Variants in MPI observed in about 807,000 individuals in gnomAD.
MPI encodes mannose phosphate isomerase.
MPI carries 33 observed loss-of-function variants against 40.1 expected under a neutral mutation model. The ratio of observed to expected loss-of-function variants is 0.82; its 90% confidence interval spans 0.62 to 1.10. MPI has a LOEUF of 1.10. Among genes scored for constraint, MPI ranks in the 50% least tolerant of loss-of-function variants. The probability of loss-of-function intolerance (pLI) is 0.00; values close to 1 mark genes in which losing one functional copy is unlikely to be tolerated. For synonymous variants in MPI, 187 were observed against 207.4 expected, an observed-to-expected ratio of 0.90 and a Z score of 0.85; for missense variants, 514 against 524.1, an observed-to-expected ratio of 0.98 and a Z score of 0.19.
At position 74,898,276 on chromosome 15, in the gene MPI, T is replaced by A. The variant is rs1595825612; in HGVS notation, c.*546T>A. The A allele has an allele frequency of 1.0e-5, 2 of 195,690 alleles. No individual in the cohort carries two copies. The highest frequency in any genetic ancestry group is 2.3e-4 in the East Asian group (2 of 8,846). 12.1% of individuals were successfully genotyped at this position (195,690 alleles called of 1,614,324 possible). A position where few individuals can be genotyped will look rare whatever the true frequency, so the allele number is the denominator to read the frequency against. On this transcript the variant is annotated 3_prime_UTR_variant, in exon 8 of 8. Coordinates refer to ENST00000352410, the MANE Select transcript of MPI (RefSeq NM_002435.3). ...GCCTTTGGGGTACCTGTTCCTAAAG[T>A]GGGCCAAAAGAGCCCTCCCTACATG...
Position 74,897,059 on chromosome 15 carries a change from T to A in MPI, c.893T>A (p.Leu298Gln), listed in dbSNP as rs773981017. Reference protein sequence around the residue: ...ACSDNTVRAGLTPKFIDVPTL... With the variant: ...ACSDNTVRAGQTPKFIDVPTL... The stretch of plus-strand genomic sequence containing the variant: ...TCAGACAACACAGTTCGTGCTGGCC[T>A]GACACCCAAGTTCATTGATGTGCCA... Residue 298 changes from leucine (L) to glutamine (Q), a missense_variant, in exon 7 of 8, where the codon CTG becomes CAG. Leu to Gln is a moderately radical substitution (Grantham distance 113, BLOSUM62 -2). Transcript: ENST00000352410. 1.2e-6 allele frequency: 2 copies of A among 1,614,202 alleles called. No homozygotes were observed. The highest frequency in any genetic ancestry group is 2.2e-5 in the South Asian group (2 of 91,088).
Position 74,900,817 on chromosome 15 carries a change from G to A in MPI, c.*3087G>A, listed in dbSNP as rs927235988. On this transcript the variant is annotated 3_prime_UTR_variant, in exon 8 of 8. Transcript: ENST00000352410. Reference sequence around the variant, plus strand: ...CTGGTCTCTGTCCTATCTCTCTGCTGTGATGCTCCTAGCTAGTAGAGTAAG... The same window carrying A: ...CTGGTCTCTGTCCTATCTCTCTGCTATGATGCTCCTAGCTAGTAGAGTAAG... The A allele has an allele frequency of 2.6e-5, 4 of 152,254 alleles. No homozygotes were observed. The highest frequency in any genetic ancestry group is 5.9e-5 in the Non-Finnish European group (4 of 68,062). The allele number at this position is 152,254 out of a possible 1,614,324, so 9.4% of individuals were successfully genotyped here. A position where few individuals can be genotyped will look rare whatever the true frequency, so the allele number is the denominator to read the frequency against.
intron 6 of MPI, 69 bp downstream of exon 6, chr15:74,896,394 G>A (rs2141207065): frequency 6.3e-7 from 1 of 1,581,848 alleles, no homozygotes; most frequent in Non-Finnish European, 8.6e-7. Flanking sequence ...TCTGGACAAA[G>A]GAAGGAGAAG....
At position 74,898,122 on chromosome 15, in the gene MPI, TG is replaced by T; in HGVS notation, c.*393del. ...AAGAACAGGGTTCTAGCGATGGGAC[TG>T]CCCATTTCCTCAGCTGCAGAGGAGG... is the stretch of plus-strand genomic sequence containing the variant. On this transcript the variant is annotated 3_prime_UTR_variant, in exon 8 of 8. Coordinates refer to ENST00000352410, the MANE Select transcript of MPI (RefSeq NM_002435.3). 1 of 357,514 alleles carries T rather than the reference TG, an allele frequency of 2.8e-6. No individual in the cohort carries two copies. Among genetic ancestry groups the T allele is most frequent in the Non-Finnish European group, 5.5e-6 (1 of 182,036 alleles). 22.1% of individuals were successfully genotyped at this position (357,514 alleles called of 1,614,324 possible). A position where few individuals can be genotyped will look rare whatever the true frequency, so the allele number is the denominator to read the frequency against.
chr15:74,896,446 C>G (rs1219514328), intron 6 of MPI, 121 bp downstream of exon 6: 1 of 1,118,554 alleles, frequency 8.9e-7, no homozygotes, highest in Admixed American at 2.0e-5. Context: ...GCTCTGACCT[C>G]TGAGGGTTCC....
Position 74,896,191 on chromosome 15 carries a change from T to C in MPI, c.710T>C (p.Leu237Pro). 3 of 1,614,120 alleles carry C rather than the reference T, an allele frequency of 1.9e-6. No individual in the cohort carries two copies. The highest frequency in any genetic ancestry group is 2.5e-6 in the Non-Finnish European group (3 of 1,180,020). Residue 237 changes from leucine (L) to proline (P), a missense_variant, in exon 6 of 8, where the codon CTT (leucine) becomes CCT (proline). Leu to Pro is a moderately conservative substitution (Grantham distance 98). Transcript: ENST00000352410. ...AACATGGAGGACATCTTTGGGGAGC[T>C]TTTGCTACAGCTGCACCAGCAGTAC... ...GNNMEDIFGE[L>P]LLQLHQQYPG...
chr15:74,897,890 C>G lies in MPI; in HGVS notation c.*160C>G, dbSNP rs2064846831. ...GGAGGGAGCGTGAAGGTAGTGACTCCTGAACACACCCAGGTGGAACCATCT... is the reference window on the plus strand; with the variant it reads ...GGAGGGAGCGTGAAGGTAGTGACTCGTGAACACACCCAGGTGGAACCATCT... On this transcript the variant is annotated 3_prime_UTR_variant, in exon 8 of 8. Coordinates refer to ENST00000352410, the MANE Select transcript of MPI (RefSeq NM_002435.3). 1.4e-6 allele frequency: 1 copy of G among 731,028 alleles called. No individual in the cohort carries two copies. The highest frequency in any genetic ancestry group is 2.4e-6 in the Non-Finnish European group (1 of 414,296). The allele number at this position is 731,028 out of a possible 1,614,324, so 45.3% of individuals were successfully genotyped here.
chr15:74,890,161 G>C, intron 1 of MPI, 72 bp downstream of exon 1: 5 of 1,592,152 alleles, frequency 3.1e-6, no homozygotes, highest in Middle Eastern at 1.7e-4. Flanking sequence ...CGGCATTATC[G>C]GCCAGGTTGA....
Position 74,902,014 on chromosome 15 carries a change from T to C in MPI, c.*4284T>C, listed in dbSNP as rs1423227182. ...GATTCTGGAAGCCAGGATCCTGCTG[T>C]ATCATTAAGCAACCTGCTATGATCC... On this transcript the variant is annotated 3_prime_UTR_variant, in exon 8 of 8. Transcript: ENST00000352410. 2.5e-6 allele frequency: 1 copy of C among 397,946 alleles called. No homozygotes were observed. The highest frequency in any genetic ancestry group is 3.6e-5 in the East Asian group (1 of 28,066). 24.7% of individuals were successfully genotyped at this position (397,946 alleles called of 1,614,324 possible). A position where few individuals can be genotyped will look rare whatever the true frequency, so the allele number is the denominator to read the frequency against.
At chr15:74,896,643 T>A in intron 6 of MPI, 1 of 611,672 alleles carries the variant, frequency 1.6e-6, no homozygotes, top group Non-Finnish European at 2.9e-6. Flanking sequence ...AGCCTTTGTA[T>A]GTCTGTCCTA....
intron 5 of MPI, 116 bp downstream of exon 5, chr15:74,893,436 C>A: frequency 1.7e-6 from 2 of 1,197,662 alleles, no homozygotes; most frequent in Non-Finnish European, 2.4e-6. Flanking sequence ...CTAAAAGGGG[C>A]CCCACTTAGA....
intron 7 of MPI, 103 bp downstream of exon 7, chr15:74,897,322 C>T: frequency 6.9e-7 from 1 of 1,459,038 alleles, no homozygotes; most frequent in Non-Finnish European, 9.5e-7. Flanking sequence ...GTCAAGCCCA[C>T]TTGGCGGAGG....
chr15:74,895,927 C>T (rs2064811074), intron 5 of MPI: 3 of 588,094 alleles, frequency 5.1e-6, no homozygotes, highest in Non-Finnish European at 9.2e-6. Flanking sequence ...TAGTCCTGGG[C>T]ATATGAATAG....
At chr15:74,893,545 T>C (rs990844209) in intron 5 of MPI, 37 of 648,188 alleles carry the variant, frequency 5.7e-5, no homozygotes, top group Admixed American at 5.5e-4. Context: ...CTCCAGATGG[T>C]TGGAGGCAGA....
chr15:74,897,715 C>T lies in MPI; in HGVS notation c.1257C>T (p.Ala419=). 2 of 1,613,972 alleles carry T rather than the reference C, an allele frequency of 1.2e-6. No homozygotes were observed. Among genetic ancestry groups the T allele is most frequent in the Non-Finnish European group, 1.7e-6 (2 of 1,180,020 alleles). ...CGAAGGACCTGCTGATATTCCGTGC[C>T]TGCTGTCTGCTGTAAAGGCTGCAGC... ...TEPKDLLIFR[A]CCLL Residue 419 remains alanine, a synonymous_variant, in exon 8 of 8, where the codon GCC becomes GCT. Coordinates refer to ENST00000352410, the MANE Select transcript of MPI (RefSeq NM_002435.3).
Position 74,902,144 on chromosome 15 carries a change from G to A in MPI, c.*4414G>A. 2.5e-6 allele frequency: 1 copy of A among 398,752 alleles called. No individual in the cohort carries two copies. Among genetic ancestry groups the A allele is most frequent in the African/African-American group, 2.1e-5 (1 of 48,770 alleles). The allele number at this position is 398,752 out of a possible 1,614,324, so 24.7% of individuals were successfully genotyped here. A position where few individuals can be genotyped will look rare whatever the true frequency, so the allele number is the denominator to read the frequency against. ...CCATCTTAGAGCTAGGAAGAATAGA[G>A]CAAACGGAATTTCTCGAACTGGTCT... On this transcript the variant is annotated 3_prime_UTR_variant, in exon 8 of 8. Coordinates refer to ENST00000352410, the MANE Select transcript of MPI (RefSeq NM_002435.3).
chr15:74,897,065 C>T lies in MPI; in HGVS notation c.899C>T (p.Pro300Leu), dbSNP rs750574993. Residue 300 changes from proline to leucine, a missense_variant, in exon 7 of 8, where the codon CCC becomes CTC. Physicochemically the swap from Pro to Leu is moderately conservative, Grantham distance 98. Transcript: ENST00000352410. ...AACACAGTTCGTGCTGGCCTGACAC[C>T]CAAGTTCATTGATGTGCCAACCCTG... ...SDNTVRAGLT[P>L]KFIDVPTLCE... 9.9e-6 allele frequency: 16 copies of T among 1,614,120 alleles called. No homozygotes were observed. The highest frequency in any genetic ancestry group is 4.0e-5 in the African/African-American group (3 of 75,004).
rs757070659 is a variant in MPI, at chr15:74,901,370, G to A, written c.*3640G>A. The A allele has an allele frequency of 3.3e-5, 5 of 152,108 alleles. No homozygotes were observed. The highest frequency in any genetic ancestry group is 7.4e-5 in the Non-Finnish European group (5 of 68,026). The allele number at this position is 152,108 out of a possible 1,614,324, so 9.4% of individuals were successfully genotyped here. The stretch of plus-strand genomic sequence containing the variant: ...AGAGGCTTGGTATAGAGTATAGCAA[G>A]ATATACTCTCCAATTTGTGGGTAGG... On this transcript the variant is annotated 3_prime_UTR_variant, in exon 8 of 8. Transcript: ENST00000352410.
intron 5 of MPI, among the ~76,000 whole-genome samples, chr15:74,895,129 CTTT>C (rs71140110): frequency 2.7e-5 from 3 of 110,580 alleles, no homozygotes; most frequent in Non-Finnish European, 3.7e-5. Context: ...CCACACCTGG[CTTT>C]TTTTTTTTTT....
Sources: gnomAD v4.1 joint callset for allele counts (sites outside exome capture counted in the v4.1 genomes callset) on GRCh38, gnomAD v4.1.1 for gene constraint, MANE v1.5 for transcripts, NCBI Gene and HGNC (gene_info 2026-07-23, HGNC 2026-07-21) for gene names.